The following PSME4 variants were observed in gnomAD, a reference collection of about 807,000 sequenced individuals.
PSME4 encodes the protein proteasome activator complex subunit 4.
PSME4 carries 89 observed loss-of-function variants against 253.9 expected under a neutral mutation model. The ratio of observed to expected loss-of-function variants is 0.35; its 90% CI spans 0.30 to 0.42. The LOEUF (loss-of-function observed/expected upper bound fraction) is 0.42. Among genes scored for constraint, PSME4 ranks in the 10% least tolerant of loss-of-function variants. The probability of loss-of-function intolerance (pLI) is 1.00; values close to 1 mark genes in which losing one functional copy is unlikely to be tolerated. For synonymous variants in PSME4, 851 were observed against 759.2 expected, an observed-to-expected ratio of 1.12 and a Z score of -1.99; for missense variants, 2,014 against 2,195.2, an observed-to-expected ratio of 0.92 and a Z score of 1.65.
At chr2:53,954,757 G>C (rs1209350744) in intron 1 of PSME4, among the ~76,000 whole-genome samples, 1 of 150,538 alleles carries the variant, frequency 6.6e-6, no homozygotes, top group Admixed American at 6.6e-5. Flanking sequence ...AGAAGAATCA[G>C]TTGAACCCTG....
chr2:53,937,770 G>A (rs185563874), intron 4 of PSME4, among the ~76,000 whole-genome samples: 33 of 152,230 alleles, frequency 2.2e-4, no homozygotes, highest in African/African-American at 7.7e-4. Flanking sequence ...AGCTGAGGTC[G>A]ATGGATCACT....
intron 1 of PSME4, among the ~76,000 whole-genome samples, chr2:53,951,167 C>T (rs1669971047): frequency 6.6e-6 from 1 of 152,162 alleles, no homozygotes; most frequent in African/African-American, 2.4e-5. Flanking sequence ...ACCGCAACCT[C>T]TGCCTCCTGG....
intron 1 of PSME4, among the ~76,000 whole-genome samples, chr2:53,951,357 T>C (rs1339395952): frequency 6.6e-6 from 1 of 152,210 alleles, no homozygotes; most frequent in Non-Finnish European, 1.5e-5. Flanking sequence ...GCTGGGATTA[T>C]AGGCGTGAGC....
At chr2:53,942,409 G>A (rs1244300387) in intron 3 of PSME4, among the ~76,000 whole-genome samples, 1 of 151,686 alleles carries the variant, frequency 6.6e-6, no homozygotes, top group Non-Finnish European at 1.5e-5. Context: ...GAGTAACTAA[G>A]CTTTGGATGG....
intron 17 of PSME4, among the ~76,000 whole-genome samples, chr2:53,921,687 T>C (rs1192910119): frequency 7.6e-6 from 1 of 131,780 alleles, no homozygotes; most frequent in Admixed American, 7.5e-5. Flanking sequence ...GCTAAAACGG[T>C]GAAACCCCGT....
chr2:53,900,727 T>C (rs1342122273), intron 28 of PSME4, among the ~76,000 whole-genome samples: 1 of 152,178 alleles, frequency 6.6e-6, no homozygotes, highest in Non-Finnish European at 1.5e-5. Context: ...CAACCCTATG[T>C]TTGATTTAAA....
In PSME4 at chr2:53,928,206, T is replaced by C. The variant is rs1465692792; in HGVS notation, c.1414A>G (p.Arg472Gly). The change falls in exon 11 of 47, where the codon AGA (arginine) becomes GGA (glycine). Residue 472 changes from arginine (R) to glycine (G), a missense_variant. Arg to Gly is a moderately radical substitution (Grantham distance 125). Transcript: ENST00000404125. ...TGTGTAGGACCTTCAGGAAACCATC[T>C]GCCTCCTGATACCAAACTGCGGGCT... Reference protein sequence around the residue: ...GVARSLVSGGRWFPEGPTHML... With the variant: ...GVARSLVSGGGWFPEGPTHML... 2.5e-6 allele frequency: 4 copies of C among 1,613,984 alleles called. No homozygotes were observed. Among genetic ancestry groups the C allele is most frequent in the Non-Finnish European group, 3.4e-6 (4 of 1,179,954 alleles).
chr2:53,918,805 A>G (rs1277609332), intron 20 of PSME4, among the ~76,000 whole-genome samples: 2 of 152,222 alleles, frequency 1.3e-5, no homozygotes, highest in African/African-American at 4.8e-5. Context: ...AAAATTCTGA[A>G]TCAACATTTG....
intron 8 of PSME4, among the ~76,000 whole-genome samples, chr2:53,933,977 T>G (rs1668985679): frequency 1.3e-5 from 2 of 152,196 alleles, no homozygotes; most frequent in Admixed American, 1.3e-4. Context: ...AAAAAAAAAT[T>G]GTCTTTTCCA....
At chr2:53,909,674 T>A (rs1205643267) in intron 21 of PSME4, among the ~76,000 whole-genome samples, 2 of 152,102 alleles carry the variant, frequency 1.3e-5, no homozygotes, top group African/African-American at 2.4e-5. Context: ...ACTACTTCAT[T>A]TTAGGCCGGG....
chr2:53,904,033 G>T lies in PSME4; in HGVS notation c.3067C>A (p.Gln1023Lys). 6.2e-7 allele frequency: 1 copy of T among 1,607,378 alleles called. No homozygotes were observed. Among genetic ancestry groups the T allele is most frequent in the Non-Finnish European group, 8.5e-7 (1 of 1,177,824 alleles). The change falls in exon 27 of 47, where the codon CAA becomes AAA. Residue 1023 changes from glutamine to lysine, a missense_variant. By Grantham distance (53) the Gln-to-Lys change is moderately conservative (BLOSUM62 1). Transcript: ENST00000404125. Reference sequence around the variant, plus strand: ...GGAAAAAAACCCTATACCTTGAATTGTTGCTGTGTAACACCTTGTCTATCA... The same window carrying T: ...GGAAAAAAACCCTATACCTTGAATTTTTGCTGTGTAACACCTTGTCTATCA... ...RPDRQGVTQQ[Q>K]FKGALYCLLG...
intron 26 of PSME4, 49 bp downstream of exon 26, chr2:53,906,549 T>A (rs1406519551): frequency 6.9e-7 from 1 of 1,454,606 alleles, no homozygotes; most frequent in Admixed American, 2.5e-5. Flanking sequence ...TAAGATTGCA[T>A]GTAATAAAAT....
At chr2:53,937,074 C>G (rs1573330550) in intron 5 of PSME4, among the ~76,000 whole-genome samples, 2 of 152,138 alleles carry the variant, frequency 1.3e-5, no homozygotes, top group Non-Finnish European at 2.9e-5. Context: ...ACTGTCCATT[C>G]TTATTTAACA....
chr2:53,866,670 T>C (rs1385278920), intron 45 of PSME4, 77 bp downstream of exon 45: 2 of 1,463,726 alleles, frequency 1.4e-6, no homozygotes, highest in South Asian at 1.3e-5. Flanking sequence ...GTTCAGAGTG[T>C]ATAGGAAATT....
chr2:53,941,405 A>C (rs956558443), intron 3 of PSME4, among the ~76,000 whole-genome samples: 7 of 151,738 alleles, frequency 4.6e-5, no homozygotes, highest in Non-Finnish European at 1.0e-4. Context: ...ATTCAAAAAC[A>C]CAGTTTAGAG....
chr2:53,963,839 T>A (rs911385216), intron 1 of PSME4, among the ~76,000 whole-genome samples: 53 of 152,276 alleles, frequency 3.5e-4, no homozygotes, highest in African/African-American at 7.9e-4. Context: ...TTGCTTTTTT[T>A]AAAAAATTCC....
In PSME4 at chr2:53,879,094, C is replaced by T. The variant is rs183959455; in HGVS notation, c.4816-3339G>A. 6.6e-5 allele frequency among the ~76,000 whole-genome samples: 10 copies of T among 152,124 alleles called. 1 individual carries two copies. Among genetic ancestry groups the T allele is most frequent in the Admixed American group, 5.9e-4 (9 of 15,260 alleles). On this transcript the variant is annotated intron_variant, in intron 41 of 46. Coordinates refer to ENST00000404125, the MANE Select transcript of PSME4 (RefSeq NM_014614.3). ...CTGTCCCTTTATTTCTCAGACCGGC[C>T]GACACTTAGGGAAAATAGAAAAGAA...
chr2:53,937,094 A>C (rs1356335290), intron 5 of PSME4, among the ~76,000 whole-genome samples: 1 of 152,062 alleles, frequency 6.6e-6, no homozygotes, highest in Admixed American at 6.6e-5. Context: ...AATTGTTTTC[A>C]ATTTTCTACC....
intron 1 of PSME4, among the ~76,000 whole-genome samples, chr2:53,951,747 C>T (rs1189761714): frequency 1.3e-5 from 2 of 152,120 alleles, no homozygotes; most frequent in African/African-American, 4.8e-5. Context: ...GATGCTCAAT[C>T]GGTAAGAACA....
Sources: allele counts gnomAD v4.1 joint callset (sites outside exome capture counted in the v4.1 genomes callset), GRCh38; gene constraint gnomAD v4.1.1; transcripts MANE v1.5; gene names NCBI Gene and HGNC (gene_info 2026-07-23, HGNC 2026-07-21).